HMGB1: variants seen among roughly 807,000 people sequenced by gnomAD.
HMGB1 encodes the protein high mobility group box 1.
For missense variants in HMGB1, 79 were observed against 253.5 expected (o/e 0.31, Z 4.67); for synonymous variants, 81 against 84.0 (o/e 0.96, Z 0.19).
intron 1 of HMGB1, among the ~76,000 whole-genome samples, chr13:30,610,268 C>T (rs7995891): frequency 0.01 from 1,579 of 152,298 alleles, 32 homozygotes; most frequent in African/African-American, 0.036. Flanking sequence ...AGGGTGGTCC[C>T]TAACCCCTGT....
intron 1 of HMGB1, among the ~76,000 whole-genome samples, chr13:30,532,705 C>T (rs763461155): frequency 1.3e-5 from 2 of 152,044 alleles, no homozygotes; most frequent in South Asian, 2.1e-4. Context: ...GATGGGGTTT[C>T]GCCATGTTAG....
intron 1 of HMGB1, among the ~76,000 whole-genome samples, chr13:30,564,102 A>C (rs1870079093): frequency 6.6e-6 from 1 of 152,072 alleles, no homozygotes; most frequent in Non-Finnish European, 1.5e-5. Flanking sequence ...TCTCAAATGA[A>C]AAGTGGACAA....
intron 1 of HMGB1, among the ~76,000 whole-genome samples, chr13:30,500,904 C>T (rs916702981): frequency 2.0e-5 from 3 of 151,948 alleles, no homozygotes; most frequent in African/African-American, 7.3e-5. Context: ...AACTCCTGGC[C>T]TCAAGTGATT....
At chr13:30,471,735 C>T (rs1351615602) in intron 1 of HMGB1, among the ~76,000 whole-genome samples, 1 of 133,474 alleles carries the variant, frequency 7.5e-6, no homozygotes, top group Admixed American at 8.6e-5. Flanking sequence ...GTGGCACCAT[C>T]TCGGCTCACT....
intron 1 of HMGB1, among the ~76,000 whole-genome samples, chr13:30,594,751 G>A (rs1871528131): frequency 6.6e-6 from 1 of 152,182 alleles, no homozygotes; most frequent in South Asian, 2.1e-4. Context: ...ACCCAGTAAT[G>A]GGATTGCTAG....
At chr13:30,572,502 T>A (rs1247490307) in intron 1 of HMGB1, among the ~76,000 whole-genome samples, 1 of 152,208 alleles carries the variant, frequency 6.6e-6, no homozygotes, top group East Asian at 1.9e-4. Flanking sequence ...CATGGTAAGA[T>A]TATTTTAATG....
intron 1 of HMGB1, among the ~76,000 whole-genome samples, chr13:30,500,763 G>A (rs1467794073): frequency 3.4e-5 from 5 of 145,032 alleles, no homozygotes; most frequent in Non-Finnish European, 7.5e-5. Context: ...TTGCTCTGTC[G>A]CCCAGGCTGG....
intron 1 of HMGB1, among the ~76,000 whole-genome samples, chr13:30,530,486 T>C (rs527368726): frequency 6.6e-6 from 1 of 152,326 alleles, no homozygotes; most frequent in African/African-American, 2.4e-5. Flanking sequence ...ATAACAATTA[T>C]CCACATGGAT....
At chr13:30,609,064 A>G (rs1278832532) in intron 1 of HMGB1, among the ~76,000 whole-genome samples, 2 of 152,194 alleles carry the variant, frequency 1.3e-5, no homozygotes, top group Non-Finnish European at 2.9e-5. Flanking sequence ...GATCAAGACC[A>G]TCCTGGCTAA....
chr13:30,584,775 T>G (rs1046282365), intron 1 of HMGB1, among the ~76,000 whole-genome samples: 3 of 152,210 alleles, frequency 2.0e-5, no homozygotes, highest in African/African-American at 7.2e-5. Context: ...CTTCTAAAAA[T>G]GCTTACAATT....
rs546490498 is a variant in HMGB1, at chr13:30,601,184, G to T, written c.-15+15487C>A. Among the ~76,000 whole-genome samples the T allele has an allele frequency of 1.1e-4, 16 of 152,186 alleles. No individual in the cohort carries two copies. The East Asian group carries it at 3.1e-3, about 29-fold the overall frequency. ...GAGAATGTAATTTGTGAGATCCACCGCTGCCCGCAAAACATTGCTCTTAAC... is the reference window on the plus strand; with the variant it reads ...GAGAATGTAATTTGTGAGATCCACCTCTGCCCGCAAAACATTGCTCTTAAC... On this transcript the variant is annotated intron_variant, in intron 1 of 4. Coordinates refer to the HMGB1 transcript ENST00000405805.
intron 1 of HMGB1, among the ~76,000 whole-genome samples, chr13:30,538,494 C>CTTTCTTTCTTTCTTTA (rs1868585002): frequency 1.5e-5 from 1 of 66,782 alleles, no homozygotes; most frequent in African/African-American, 5.4e-5. Flanking sequence ...TTCTTTCTTT[C>CTTTCTTTCTTTCTTTA]TTTCTTTCTT....
chr13:30,490,587 C>G (rs1418532411), intron 1 of HMGB1, among the ~76,000 whole-genome samples: 1 of 150,434 alleles, frequency 6.6e-6, no homozygotes, highest in African/African-American at 2.5e-5. Context: ...CCACTGCACT[C>G]CAGCCTGGGC....
rs541165619 is a variant in HMGB1, at chr13:30,536,719, T to G, written c.-14-73025A>C. On this transcript the variant is annotated intron_variant, in intron 1 of 4. Transcript: ENST00000405805. ...ATTGTTCACTGTAGTGGACCCTCAT[T>G]GCATTTCCTTTCTTGACATCTTTTT... Among the ~76,000 whole-genome samples, 3 of 152,364 alleles carry G rather than the reference T, an allele frequency of 2.0e-5. No homozygotes were observed. The East Asian group carries it at 5.8e-4, about 29-fold the overall frequency.
intron 1 of HMGB1, among the ~76,000 whole-genome samples, chr13:30,528,460 G>A (rs953854590): frequency 2.6e-5 from 4 of 152,150 alleles, no homozygotes; most frequent in Non-Finnish European, 5.9e-5. Context: ...ACCGTATTGC[G>A]CTCCCTTGCT....
At chr13:30,588,103 T>C (rs890093912) in intron 1 of HMGB1, among the ~76,000 whole-genome samples, 2 of 152,332 alleles carry the variant, frequency 1.3e-5, no homozygotes, top group Middle Eastern at 3.4e-3. Flanking sequence ...TTATTGAAGA[T>C]TTATCATGTG....
intron 1 of HMGB1, among the ~76,000 whole-genome samples, chr13:30,560,366 T>C (rs1869896358): frequency 6.6e-6 from 1 of 152,184 alleles, no homozygotes; most frequent in African/African-American, 2.4e-5. Context: ...AGCTTATCGG[T>C]AGCCTTAGCG....
intron 1 of HMGB1, among the ~76,000 whole-genome samples, chr13:30,514,696 A>C (rs957412276): frequency 6.7e-6 from 1 of 150,158 alleles, no homozygotes; most frequent in African/African-American, 2.5e-5. Flanking sequence ...GCTATTCATC[A>C]GCACCATCAT....
chr13:30,529,144 TA>T (rs1888442417), intron 1 of HMGB1, among the ~76,000 whole-genome samples: 1 of 149,710 alleles, frequency 6.7e-6, no homozygotes, highest in Non-Finnish European at 1.5e-5. Flanking sequence ...AAGAAAGCAG[TA>T]AAGACATCCT....
Sources: allele counts gnomAD v4.1 joint callset (sites outside exome capture counted in the v4.1 genomes callset), GRCh38; gene constraint gnomAD v4.1.1; transcripts MANE v1.5; gene names NCBI Gene and HGNC (gene_info 2026-07-23, HGNC 2026-07-21).